Variants in MAGI2 observed in about 807,000 individuals in gnomAD.
MAGI2 encodes membrane associated guanylate kinase, WW and PDZ domain containing 2, also known as membrane-associated guanylate kinase, WW and PDZ domain-containing protein 2.
In MAGI2, 35 loss-of-function variants were observed where a neutral mutation model predicts 133.3. That is an observed-to-expected ratio of 0.26 (90% CI 0.20 to 0.35). The LOEUF (loss-of-function observed/expected upper bound fraction) is 0.35, where lower values mean the gene tolerates loss of function less well. Among genes scored for constraint, MAGI2 ranks in the 10% least tolerant of loss-of-function variants. The pLI is 1.00. For missense variants in MAGI2, 1,636 were observed against 1,863.4 expected (o/e 0.88, Z 2.25); for synonymous variants, 729 against 710.6 (o/e 1.03, Z -0.41).
intron 2 of MAGI2, among the ~76,000 whole-genome samples, chr7:78,806,805 C>A (rs1213229645): frequency 6.6e-6 from 1 of 151,244 alleles, no homozygotes; most frequent in African/African-American, 2.4e-5. Context: ...GAGTTTGAAG[C>A]TGCAGTGAGC....
chr7:79,176,097 A>G (rs1237122716), intron 1 of MAGI2, among the ~76,000 whole-genome samples: 1 of 152,024 alleles, frequency 6.6e-6, no homozygotes, highest in Non-Finnish European at 1.5e-5. Context: ...AAGCTTGCTA[A>G]GTAAATGAAA....
intron 1 of MAGI2, among the ~76,000 whole-genome samples, chr7:79,184,212 A>C (rs963881041): frequency 6.6e-6 from 1 of 151,762 alleles, no homozygotes; most frequent in East Asian, 1.9e-4. Flanking sequence ...TAATTATTCT[A>C]TAATGTACAC....
At chr7:78,631,227 G>A (rs1209830062) in intron 2 of MAGI2, among the ~76,000 whole-genome samples, 3 of 152,130 alleles carry the variant, frequency 2.0e-5, no homozygotes, top group African/African-American at 7.2e-5. Flanking sequence ...TTCTAGTTGT[G>A]CTGGTTTGAA....
Position 78,524,972 on chromosome 7 carries a change from G to A in MAGI2, c.539-3327C>T, listed in dbSNP as rs138208187. ...AGTGTTTTTTTTCCCTATTTGTCTT[G>A]TCAATTTAAAATTTCCCTGAAGTAA... is the stretch of plus-strand genomic sequence containing the variant. On this transcript the variant is annotated intron_variant, in intron 3 of 21. Coordinates refer to ENST00000354212, the MANE Select transcript of MAGI2 (RefSeq NM_012301.4). Among the ~76,000 whole-genome samples, 692 of 149,468 alleles carry A rather than the reference G, an allele frequency of 4.6e-3. 7 individuals are homozygous for A. The highest frequency in any genetic ancestry group is 0.016 in the African/African-American group (651 of 40,582).
intron 1 of MAGI2, among the ~76,000 whole-genome samples, chr7:79,291,808 T>A (rs1225809026): frequency 6.6e-6 from 1 of 152,192 alleles, no homozygotes; most frequent in Non-Finnish European, 1.5e-5. Context: ...ATATAGACTA[T>A]ATATAAATCC....
chr7:78,961,497 A>G (rs147515243), intron 2 of MAGI2, among the ~76,000 whole-genome samples: 371 of 152,276 alleles, frequency 2.4e-3, no homozygotes, highest in South Asian at 4.8e-3. Flanking sequence ...ATAACCAGTG[A>G]TATCTGGATT....
At chr7:79,234,135 TG>T (rs1831650601) in intron 1 of MAGI2, among the ~76,000 whole-genome samples, 1 of 140,640 alleles carries the variant, frequency 7.1e-6, no homozygotes, top group Non-Finnish European at 1.5e-5. Flanking sequence ...CACTCTCTTC[TG>T]GCTTGTAGGG....
chr7:79,137,339 G>C (rs759297062), intron 1 of MAGI2, among the ~76,000 whole-genome samples: 1 of 152,076 alleles, frequency 6.6e-6, no homozygotes, highest in African/African-American at 2.4e-5. Flanking sequence ...TGGCCATTCT[G>C]AGGGATGCCA....
intron 6 of MAGI2, among the ~76,000 whole-genome samples, chr7:78,393,042 C>A (rs75374058): frequency 6.6e-6 from 1 of 151,976 alleles, no homozygotes; most frequent in African/African-American, 2.4e-5. Context: ...GTAAAAAAAA[C>A]GATTAGAACC....
intron 14 of MAGI2, among the ~76,000 whole-genome samples, chr7:78,176,128 G>A (rs1032182259): frequency 1.3e-5 from 2 of 152,122 alleles, no homozygotes; most frequent in African/African-American, 4.8e-5. Context: ...AAACAAAGCT[G>A]TGAATGGGAG....
chr7:79,010,220 G>A (rs1236432349), intron 1 of MAGI2, among the ~76,000 whole-genome samples: 1 of 96,798 alleles, frequency 1.0e-5, no homozygotes, highest in African/African-American at 4.0e-5. Flanking sequence ...TTATATGTAT[G>A]TGTGATACAT....
intron 6 of MAGI2, among the ~76,000 whole-genome samples, chr7:78,467,516 A>G (rs1790755390): frequency 1.3e-5 from 2 of 152,054 alleles, no homozygotes; most frequent in Admixed American, 1.3e-4. Flanking sequence ...ACTGAAATTA[A>G]AAGAGATCTA....
intron 1 of MAGI2, among the ~76,000 whole-genome samples, chr7:79,416,719 C>CT (rs1169090958): frequency 4.0e-5 from 4 of 99,266 alleles, no homozygotes; most frequent in African/African-American, 9.0e-5. Flanking sequence ...CTTTTCTTTT[C>CT]TTTTTCTTTT....
intron 1 of MAGI2, among the ~76,000 whole-genome samples, chr7:79,036,987 T>C (rs1160002447): frequency 6.6e-6 from 1 of 152,222 alleles, no homozygotes; most frequent in African/African-American, 2.4e-5. Context: ...GGTTTCACTG[T>C]CAAGTAAAGA....
chr7:78,161,238 G>C (rs1245643439), intron 15 of MAGI2, among the ~76,000 whole-genome samples: 1 of 152,130 alleles, frequency 6.6e-6, no homozygotes, highest in South Asian at 2.1e-4. Flanking sequence ...TAGAAAGTTG[G>C]CAGCCAAAAG....
intron 21 of MAGI2, among the ~76,000 whole-genome samples, chr7:78,070,514 GTGTATATA>G (rs1303460183): frequency 2.1e-5 from 3 of 144,462 alleles, no homozygotes; most frequent in African/African-American, 5.2e-5. Flanking sequence ...ATATATATGT[GTGTATATA>G]TGTATATATG....
intron 2 of MAGI2, among the ~76,000 whole-genome samples, chr7:78,759,111 T>C (rs1563465373): frequency 1.3e-5 from 2 of 152,140 alleles, no homozygotes; most frequent in Non-Finnish European, 2.9e-5. Context: ...ATAAACATAT[T>C]TTTGGGAAAA....
chr7:79,184,437 TA>T (rs1282696770), intron 1 of MAGI2, among the ~76,000 whole-genome samples: 14 of 150,358 alleles, frequency 9.3e-5, no homozygotes, highest in African/African-American at 3.2e-4. Flanking sequence ...TAAGAAACAA[TA>T]AAAATAAAAT....
chr7:78,750,738 G>A (rs1039870211), intron 2 of MAGI2, among the ~76,000 whole-genome samples: 2 of 152,112 alleles, frequency 1.3e-5, no homozygotes, highest in African/African-American at 4.8e-5. Flanking sequence ...TGAGGCTGGA[G>A]GGCAGGTTTA....
Sources: gnomAD v4.1 joint callset for allele counts (sites outside exome capture counted in the v4.1 genomes callset) on GRCh38, gnomAD v4.1.1 for gene constraint, MANE v1.5 for transcripts, NCBI Gene and HGNC (gene_info 2026-07-23, HGNC 2026-07-21) for gene names.